NECTIN1: variants seen among roughly 807,000 people sequenced by gnomAD.
NECTIN1 encodes nectin cell adhesion molecule 1.
Under a neutral mutation model 48.0 loss-of-function variants are expected in NECTIN1, and 23 were observed. The observed-to-expected ratio is 0.48, with a 90% CI of 0.34 to 0.68. NECTIN1 has a LOEUF of 0.68. Ranked by LOEUF, NECTIN1 falls within the 30% of genes least tolerant of loss-of-function variation. The pLI is 0.01. For synonymous variants in NECTIN1, 270 were observed against 288.9 expected (o/e 0.93, Z 0.66); for missense variants, 591 against 709.9 (o/e 0.83, Z 1.90).
At position 119,664,353 on chromosome 11, in the gene NECTIN1, C is replaced by A. The variant is rs1864723313; in HGVS notation, c.*394G>T. ...CTCTTAGAGCCCCTTGAGCCCTCCA[C>A]CCCCAGTGAAGAAACACAAACAAAT... On this transcript the variant is annotated 3_prime_UTR_variant, in exon 6 of 6. Transcript: ENST00000264025. 2.9e-5 allele frequency: 30 copies of A among 1,037,314 alleles called. No individual in the cohort carries two copies. The highest frequency in any genetic ancestry group is 3.5e-5 in the Non-Finnish European group (30 of 861,672). The allele number at this position is 1,037,314 out of a possible 1,614,324, so 64.3% of individuals were successfully genotyped here.
chr11:119,718,039 G>A (rs1343242840), intron 1 of NECTIN1, among the ~76,000 whole-genome samples: 2 of 152,232 alleles, frequency 1.3e-5, no homozygotes, highest in African/African-American at 2.4e-5. Flanking sequence ...TCGCTTTGGC[G>A]TCGACACAGA....
intron 1 of NECTIN1, chr11:119,710,033 G>A (rs1228734027): frequency 6.6e-6 from 1 of 152,256 alleles, no homozygotes; most frequent in Non-Finnish European, 1.5e-5. Flanking sequence ...GACATCAGGT[G>A]GGTAGAGAAA....
chr11:119,658,373 C>T (rs368280805), downstream of NECTIN1, among the ~76,000 whole-genome samples: 126 of 152,240 alleles, frequency 8.3e-4, no homozygotes, highest in Middle Eastern at 6.8e-3. Flanking sequence ...GCCATCAAGC[C>T]GGTAAACCCG....
intron 1 of NECTIN1, among the ~76,000 whole-genome samples, chr11:119,682,254 C>T (rs1865071900): frequency 6.6e-6 from 1 of 151,980 alleles, no homozygotes; most frequent in Non-Finnish European, 1.5e-5. Flanking sequence ...GGATCACCAC[C>T]GGAAAGAAAG....
At chr11:119,660,639 C>T (rs1424235204), downstream of NECTIN1, among the ~76,000 whole-genome samples, 1 of 152,084 alleles carries the variant, frequency 6.6e-6, no homozygotes, top group Non-Finnish European at 1.5e-5. Flanking sequence ...AGGAGGCACC[C>T]GTACCCCTAG....
chr11:119,713,536 C>G (rs1415306469), intron 1 of NECTIN1: 1 of 154,104 alleles, frequency 6.5e-6, no homozygotes, highest in African/African-American at 2.4e-5. Flanking sequence ...GCCCCCTCCC[C>G]ACCCTTACCC....
intron 5 of NECTIN1, chr11:119,674,523 C>T (rs763918098): frequency 4.3e-6 from 7 of 1,612,022 alleles, no homozygotes; most frequent in Non-Finnish European, 5.9e-6. Flanking sequence ...GTGGGGGGGG[C>T]CCTGTCCAGG....
At chr11:119,669,724 T>C (rs980699594) in intron 5 of NECTIN1, among the ~76,000 whole-genome samples, 14 of 152,074 alleles carry the variant, frequency 9.2e-5, no homozygotes, top group African/African-American at 3.4e-4. Context: ...CTTGCCCCAC[T>C]CCTGGCACAC....
chr11:119,642,563 A>G (rs1308824214), intron 5 of NECTIN1: 1 of 153,664 alleles, frequency 6.5e-6, no homozygotes. Flanking sequence ...CTCTGCAGCC[A>G]CTTTGCCAAG....
intron 1 of NECTIN1, among the ~76,000 whole-genome samples, chr11:119,698,007 AC>A (rs1169970252): frequency 6.6e-6 from 1 of 152,182 alleles, no homozygotes; most frequent in Non-Finnish European, 1.5e-5. Flanking sequence ...AAGAGCAAAA[AC>A]CGGGGTTTTG....
At chr11:119,706,038 C>A (rs1489328377) in intron 1 of NECTIN1, among the ~76,000 whole-genome samples, 1 of 152,184 alleles carries the variant, frequency 6.6e-6, no homozygotes, top group Non-Finnish European at 1.5e-5. Flanking sequence ...ATGCTTGTTC[C>A]CCTTTATTTA....
chr11:119,665,368 A>G lies in NECTIN1; in HGVS notation c.1004-71T>C. On this transcript the variant is annotated intron_variant, in intron 5 of 5. Coordinates refer to ENST00000264025, the MANE Select transcript of NECTIN1 (RefSeq NM_002855.5). The surrounding 1 kb of genome is among the most constrained non-coding windows in gnomAD (Gnocchi z 5.1). ...CTGGGGTGTAGAGGGGGTGGGAGGGAGGCAGGGAAAGGAGAGGCCAGGAAG... is the reference window on the plus strand; with the variant it reads ...CTGGGGTGTAGAGGGGGTGGGAGGGGGGCAGGGAAAGGAGAGGCCAGGAAG... 2.8e-6 allele frequency: 4 copies of G among 1,435,632 alleles called. No individual in the cohort carries two copies. The highest frequency in any genetic ancestry group is 3.7e-6 in the Non-Finnish European group (4 of 1,082,122). The allele number at this position is 1,435,632 out of a possible 1,614,324, so 88.9% of individuals were successfully genotyped here.
intron 5 of NECTIN1, chr11:119,641,087 C>T (rs1864316999): frequency 6.6e-6 from 1 of 152,258 alleles, no homozygotes; most frequent in Non-Finnish European, 1.5e-5. Context: ...CTTCTCTCTG[C>T]TCCATTCCAG....
At chr11:119,728,162 C>T (rs1865945763) in intron 1 of NECTIN1, among the ~76,000 whole-genome samples, 1 of 152,238 alleles carries the variant, frequency 6.6e-6, no homozygotes, top group Non-Finnish European at 1.5e-5. Context: ...TTCCAAACTG[C>T]TTCCCGAGCA....
At chr11:119,712,986 T>C (rs1865679908) in intron 1 of NECTIN1, 2 of 152,304 alleles carry the variant, frequency 1.3e-5, no homozygotes, top group African/African-American at 4.8e-5. Context: ...TGACACCTTC[T>C]GGCCAGCAGA....
At chr11:119,686,540 C>T (rs1865157795) in intron 1 of NECTIN1, among the ~76,000 whole-genome samples, 1 of 152,202 alleles carries the variant, frequency 6.6e-6, no homozygotes, top group African/African-American at 2.4e-5. Context: ...CCCATGGTAT[C>T]CTGCAGCCCT....
At chr11:119,719,395 A>G (rs1291578228) in intron 1 of NECTIN1, among the ~76,000 whole-genome samples, 1 of 152,214 alleles carries the variant, frequency 6.6e-6, no homozygotes, top group African/African-American at 2.4e-5. Flanking sequence ...GCTCAGCCAC[A>G]TGGTATAAAC....
Position 119,677,524 on chromosome 11 carries a change from C to G in NECTIN1, c.733+31G>C. ...GGAGGAGGGACAGTGGCGCCCACCCCAGGAGGCCCCTGGCAGCCAGCCCTG... is the reference window on the plus strand; with the variant it reads ...GGAGGAGGGACAGTGGCGCCCACCCGAGGAGGCCCCTGGCAGCCAGCCCTG... On this transcript the variant is annotated intron_variant, in intron 3 of 5. Transcript: ENST00000264025. The surrounding 1 kb of genome is among the most constrained non-coding windows in gnomAD (Gnocchi z 5.4). 1 of 1,611,354 alleles carries G rather than the reference C, an allele frequency of 6.2e-7. No individual in the cohort carries two copies. The highest frequency in any genetic ancestry group is 8.5e-7 in the Non-Finnish European group (1 of 1,179,188).
chr11:119,669,315 G>A (rs898282194), intron 5 of NECTIN1, among the ~76,000 whole-genome samples: 26 of 151,734 alleles, frequency 1.7e-4, no homozygotes, highest in African/African-American at 6.3e-4. Flanking sequence ...GGGAGGCTGA[G>A]GCAGGAGAAT....
Sources: allele counts gnomAD v4.1 joint callset (sites outside exome capture counted in the v4.1 genomes callset), GRCh38; gene constraint gnomAD v4.1.1; non-coding constraint Gnocchi (gnomAD v3.1); transcripts MANE v1.5; gene names NCBI Gene and HGNC (gene_info 2026-07-23, HGNC 2026-07-21).